The following GALNTL6 variants were observed in gnomAD, a reference collection of about 807,000 sequenced individuals.
The protein encoded by GALNTL6 is polypeptide N-acetylgalactosaminyltransferase like 6.
Under a neutral mutation model 73.7 loss-of-function variants are expected in GALNTL6, and 46 were observed. The ratio of observed to expected loss-of-function variants is 0.62; its 90% CI spans 0.49 to 0.80. GALNTL6 has a LOEUF of 0.80. GALNTL6 is among the 30% of genes least tolerant of loss of function. The pLI, the probability that GALNTL6 is intolerant of heterozygous loss-of-function variation, is 0.00. For synonymous variants in GALNTL6, 259 were observed against 263.7 expected (o/e 0.98, Z 0.17); for missense variants, 604 against 755.0 (o/e 0.80, Z 2.34).
intron 4 of GALNTL6, among the ~76,000 whole-genome samples, chr4:172,313,218 T>C (rs958135615): frequency 4.1e-5 from 6 of 145,856 alleles, no homozygotes; most frequent in African/African-American, 1.3e-4. Flanking sequence ...CTCCGCCTCC[T>C]GGGTTCACGC....
chr4:172,777,787 T>C (rs1042991828), intron 5 of GALNTL6, among the ~76,000 whole-genome samples: 18 of 152,182 alleles, frequency 1.2e-4, no homozygotes, highest in African/African-American at 4.1e-4. Context: ...ACATATCTAT[T>C]TACAAATGGG....
intron 2 of GALNTL6, among the ~76,000 whole-genome samples, chr4:172,206,686 A>T (rs1436606529): frequency 6.6e-6 from 1 of 152,012 alleles, no homozygotes; most frequent in South Asian, 2.1e-4. Flanking sequence ...GGGAAAGAAC[A>T]TTCTAGACAG....
intron 5 of GALNTL6, among the ~76,000 whole-genome samples, chr4:172,707,036 C>T (rs886222170): frequency 2.6e-5 from 4 of 152,148 alleles, no homozygotes; most frequent in African/African-American, 9.7e-5. Context: ...AACTGGCTGT[C>T]TACCTCTATT....
intron 2 of GALNTL6, among the ~76,000 whole-genome samples, chr4:171,976,517 G>A (rs1458418700): frequency 6.6e-6 from 1 of 152,138 alleles, no homozygotes; most frequent in Non-Finnish European, 1.5e-5. Context: ...GTTTTGTATG[G>A]TGTATCCACT....
chr4:172,770,124 G>A (rs1222501851), intron 5 of GALNTL6, among the ~76,000 whole-genome samples: 2 of 152,056 alleles, frequency 1.3e-5, no homozygotes, highest in South Asian at 2.1e-4. Flanking sequence ...AAATTAGCTG[G>A]GCGTTGTGGT....
At chr4:171,919,685 A>G (rs1737727549) in intron 2 of GALNTL6, among the ~76,000 whole-genome samples, 1 of 152,074 alleles carries the variant, frequency 6.6e-6, no homozygotes, top group South Asian at 2.1e-4. Flanking sequence ...TGTATTCTCA[A>G]CAAAAAAAAA....
intron 5 of GALNTL6, among the ~76,000 whole-genome samples, chr4:172,500,360 G>T (rs1262806113): frequency 3.9e-5 from 6 of 152,192 alleles, no homozygotes; most frequent in East Asian, 3.9e-4. Flanking sequence ...GATCGAGGCT[G>T]TAGTGAGCCA....
At chr4:172,086,400 AATTTT>A (rs1349287916) in intron 2 of GALNTL6, among the ~76,000 whole-genome samples, 2 of 152,196 alleles carry the variant, frequency 1.3e-5, no homozygotes, top group East Asian at 3.9e-4. Flanking sequence ...TTATAATGTC[AATTTT>A]ATTTCTGTGC....
intron 2 of GALNTL6, among the ~76,000 whole-genome samples, chr4:171,964,102 C>T (rs1739313756): frequency 6.6e-6 from 1 of 152,086 alleles, no homozygotes; most frequent in South Asian, 2.1e-4. Context: ...TTTCTCACTG[C>T]CCAGTGGAAA....
chr4:171,903,028 AG>A (rs1737148021), intron 2 of GALNTL6, among the ~76,000 whole-genome samples: 1 of 151,882 alleles, frequency 6.6e-6, no homozygotes, highest in Non-Finnish European at 1.5e-5. Flanking sequence ...TCAAAGACGA[AG>A]AAGGAGTCTA....
chr4:172,378,672 C>G (rs1743143926), intron 5 of GALNTL6, among the ~76,000 whole-genome samples: 1 of 151,614 alleles, frequency 6.6e-6, no homozygotes, highest in African/African-American at 2.4e-5. Context: ...TTTTTTTATC[C>G]TAGAACTTTA....
intron 11 of GALNTL6, among the ~76,000 whole-genome samples, chr4:173,014,899 A>G (rs552324715): frequency 7.9e-5 from 12 of 152,288 alleles, no homozygotes; most frequent in African/African-American, 2.6e-4. Context: ...TGTGTCCCCA[A>G]ATCTCATCTT....
intron 5 of GALNTL6, among the ~76,000 whole-genome samples, chr4:172,572,480 C>A (rs113387150): frequency 2.6e-5 from 4 of 152,156 alleles, no homozygotes; most frequent in Admixed American, 1.3e-4. Context: ...TCAAGTCTGA[C>A]CTCACACCTG....
At chr4:171,826,736 A>G (rs184911526) in intron 2 of GALNTL6, among the ~76,000 whole-genome samples, 4 of 152,268 alleles carry the variant, frequency 2.6e-5, no homozygotes, top group Admixed American at 1.3e-4. Flanking sequence ...AGAGGTGGTG[A>G]GGTAGGAGAT....
chr4:172,462,740 G>T lies in GALNTL6; in HGVS notation c.553+114051G>T, dbSNP rs531338966. On this transcript the variant is annotated intron_variant, in intron 5 of 12. Transcript: ENST00000506823. The stretch of plus-strand genomic sequence containing the variant: ...AATACATGGAAAACAGATGTGTCAA[G>T]AAATATGTGTTGCCCAATTGAATAA... Among the ~76,000 whole-genome samples the T allele has an allele frequency of 9.1e-4, 138 of 152,280 alleles. 1 individual carries two copies. The highest frequency in any genetic ancestry group is 3.4e-3 in the Middle Eastern group (1 of 294).
chr4:173,004,835 T>C (rs952712324), intron 10 of GALNTL6, among the ~76,000 whole-genome samples: 1 of 152,126 alleles, frequency 6.6e-6, no homozygotes, highest in Non-Finnish European at 1.5e-5. Context: ...TTTTGCTGTA[T>C]ACCTGGTTTC....
At chr4:172,094,940 AGTTTTTT>A (rs1732307911) in intron 2 of GALNTL6, among the ~76,000 whole-genome samples, 2 of 150,206 alleles carry the variant, frequency 1.3e-5, no homozygotes, top group Admixed American at 6.7e-5. Context: ...TAAATCCCAT[AGTTTTTT>A]GTTTTTTGTT....
intron 5 of GALNTL6, among the ~76,000 whole-genome samples, chr4:172,430,030 C>A (rs1731380721): frequency 1.3e-5 from 2 of 151,742 alleles, no homozygotes; most frequent in African/African-American, 4.8e-5. Flanking sequence ...GAATTTCTTA[C>A]AACTTAGTAT....
chr4:172,711,183 A>G (rs531042460), intron 5 of GALNTL6, among the ~76,000 whole-genome samples: 1 of 152,316 alleles, frequency 6.6e-6, no homozygotes, highest in East Asian at 1.9e-4. Context: ...CCTACGTGAC[A>G]CTTGGTCAAA....
Sources: gnomAD v4.1 joint callset for allele counts (sites outside exome capture counted in the v4.1 genomes callset) on GRCh38, gnomAD v4.1.1 for gene constraint, MANE v1.5 for transcripts, NCBI Gene and HGNC (gene_info 2026-07-23, HGNC 2026-07-21) for gene names.